ABLIM2: variants seen among roughly 807,000 people sequenced by gnomAD.
ABLIM2 encodes the protein actin-binding LIM protein 2.
A neutral mutation model predicts 97.7 loss-of-function variants in ABLIM2; 53 were observed. That is an observed-to-expected ratio of 0.54 (90% confidence interval 0.44 to 0.68). The LOEUF is 0.68. Among genes scored for constraint, ABLIM2 ranks in the 30% least tolerant of loss-of-function variants. ABLIM2 has a pLI of 0.00. For synonymous variants in ABLIM2, 361 were observed against 345.8 expected (o/e 1.04, Z -0.49); for missense variants, 835 against 867.2 (o/e 0.96, Z 0.47).
In ABLIM2 at chr4:8,140,960, C is replaced by A. The variant is rs765546426; in HGVS notation, c.10+17720G>T. ...TTAAAATCCACGGTAAAGCCTGCAG[C>A]TGTGGGCTGGTCTCCAAGGCCACTG... On this transcript the variant is annotated intron_variant, in intron 1 of 20. Coordinates refer to ENST00000447017, the MANE Select transcript of ABLIM2 (RefSeq NM_001130083.2). This position sits in a 1 kb window ranked among gnomAD's most constrained non-coding sequence, Gnocchi z 5.9. Among the ~76,000 whole-genome samples, 16 of 152,168 alleles carry A rather than the reference C, an allele frequency of 1.1e-4. No homozygotes were observed. Among genetic ancestry groups the A allele is most frequent in the Non-Finnish European group, 2.2e-4 (15 of 68,014 alleles).
chr4:8,031,409 T>A (rs1291129804), intron 10 of ABLIM2, among the ~76,000 whole-genome samples: 1 of 152,082 alleles, frequency 6.6e-6, no homozygotes, highest in Non-Finnish European at 1.5e-5. Context: ...AATGAGGAGA[T>A]GAAAAGATGC....
At chr4:8,144,692 A>G (rs1851514929) in intron 1 of ABLIM2, among the ~76,000 whole-genome samples, 2 of 152,148 alleles carry the variant, frequency 1.3e-5, no homozygotes. Flanking sequence ...ATGGGGAGTC[A>G]CAGCTCCCCA....
At chr4:8,097,804 C>G (rs936010216) in intron 2 of ABLIM2, among the ~76,000 whole-genome samples, 1 of 152,190 alleles carries the variant, frequency 6.6e-6, no homozygotes, top group Admixed American at 6.5e-5. Context: ...CCCCCTCCCC[C>G]ACTCCTCTGG....
At chr4:8,038,326 G>C (rs1469147146) in intron 9 of ABLIM2, among the ~76,000 whole-genome samples, 2 of 152,166 alleles carry the variant, frequency 1.3e-5, no homozygotes, top group African/African-American at 4.8e-5. Flanking sequence ...CCCCACCACA[G>C]CTCTCCCCTT....
At position 8,023,906 on chromosome 4, in the gene ABLIM2, T is replaced by C. The variant is rs916489733; in HGVS notation, c.1268-3603A>G. ...CTGGTGCTGGCTCAGCTGGCTCCTG[T>C]GGAGCCTCCTCCAGGTGACACCGCA... On this transcript the variant is annotated intron_variant, in intron 12 of 20. Coordinates refer to ENST00000447017, the MANE Select transcript of ABLIM2 (RefSeq NM_001130083.2). The surrounding 1 kb of genome is among the most constrained non-coding windows in gnomAD (Gnocchi z 5.7). Among the ~76,000 whole-genome samples the C allele has an allele frequency of 6.6e-6, 1 of 152,154 alleles. No individual in the cohort carries two copies. Among genetic ancestry groups the C allele is most frequent in the African/African-American group, 2.4e-5 (1 of 41,434 alleles).
At chr4:8,143,841 C>G (rs1023565557) in intron 1 of ABLIM2, among the ~76,000 whole-genome samples, 2 of 152,290 alleles carry the variant, frequency 1.3e-5, no homozygotes, top group Admixed American at 6.5e-5. Flanking sequence ...TTAGAGGACA[C>G]GGCTGCCTGT....
chr4:8,140,493 G>A lies in ABLIM2; in HGVS notation c.10+18187C>T, dbSNP rs1850804014. ...TTGGAAACCTGGCGGGGAGCATGGG[G>A]GAAAGGGGGCAGTGACACGGGGGCC... On this transcript the variant is annotated intron_variant, in intron 1 of 20. Coordinates refer to ENST00000447017, the MANE Select transcript of ABLIM2 (RefSeq NM_001130083.2). This position sits in a 1 kb window ranked among gnomAD's most constrained non-coding sequence, Gnocchi z 5.9. Among the ~76,000 whole-genome samples the A allele has an allele frequency of 6.6e-6, 1 of 152,154 alleles. No homozygotes were observed.
intron 1 of ABLIM2, among the ~76,000 whole-genome samples, chr4:8,154,024 G>A (rs559927991): frequency 1.4e-4 from 21 of 149,542 alleles, no homozygotes; most frequent in South Asian, 6.4e-4. Context: ...GTGCAGTGGC[G>A]TGATCTCGGC....
intron 1 of ABLIM2, among the ~76,000 whole-genome samples, chr4:8,139,864 C>T (rs1850701878): frequency 6.6e-6 from 1 of 152,042 alleles, no homozygotes; most frequent in African/African-American, 2.4e-5. Context: ...ATGCCCATCA[C>T]TGATAGAATG....
At chr4:8,052,332 A>G (rs1163556074) in intron 8 of ABLIM2, among the ~76,000 whole-genome samples, 2 of 152,154 alleles carry the variant, frequency 1.3e-5, no homozygotes, top group African/African-American at 4.8e-5. Flanking sequence ...GGAGTCACAC[A>G]CTGTGGCTTG....
chr4:8,140,311 A>C lies in ABLIM2; in HGVS notation c.10+18369T>G, dbSNP rs897366898. On this transcript the variant is annotated intron_variant, in intron 1 of 20. Coordinates refer to ENST00000447017, the MANE Select transcript of ABLIM2 (RefSeq NM_001130083.2). The surrounding 1 kb of genome is among the most constrained non-coding windows in gnomAD (Gnocchi z 5.9). ...CAAAAGCAATGCTCCCCATCTGGTG[A>C]AGGAAACAGAGAATGTGGTCAAACA... Among the ~76,000 whole-genome samples, 5 of 152,226 alleles carry C rather than the reference A, an allele frequency of 3.3e-5. No homozygotes were observed. The highest frequency in any genetic ancestry group is 7.3e-5 in the Non-Finnish European group (5 of 68,050).
chr4:8,065,128 T>C (rs1490930503), intron 6 of ABLIM2, among the ~76,000 whole-genome samples: 1 of 152,192 alleles, frequency 6.6e-6, no homozygotes, highest in Non-Finnish European at 1.5e-5. Flanking sequence ...GGCTTGCACC[T>C]GTAGTCCCAG....
intron 1 of ABLIM2, among the ~76,000 whole-genome samples, chr4:8,108,917 G>C (rs1430502892): frequency 1.3e-5 from 2 of 152,252 alleles, no homozygotes; most frequent in African/African-American, 2.4e-5. Context: ...ACCAGGCTGT[G>C]GGTGCGATGG....
rs566805588 is a variant in ABLIM2 at position 8,125,692 on chromosome 4, C to T, written c.11-19055G>A. 1.5e-3 allele frequency among the ~76,000 whole-genome samples: 229 copies of T among 152,316 alleles called. No homozygotes were observed. Among genetic ancestry groups the T allele is most frequent in the African/African-American group, 5.4e-3 (224 of 41,572 alleles). On this transcript the variant is annotated intron_variant, in intron 1 of 20. Coordinates refer to ENST00000447017, the MANE Select transcript of ABLIM2 (RefSeq NM_001130083.2). The surrounding 1 kb of genome is among the most constrained non-coding windows in gnomAD (Gnocchi z 6.2). The stretch of plus-strand genomic sequence containing the variant: ...CCACAGTTGGTGGAAGCACAGTGGG[C>T]CTGAGAAGGCATCGCAGACTCAGCT...
At chr4:8,074,565 T>C (rs1012537086) in intron 6 of ABLIM2, among the ~76,000 whole-genome samples, 5 of 152,214 alleles carry the variant, frequency 3.3e-5, no homozygotes, top group Non-Finnish European at 7.3e-5. Flanking sequence ...GAATAATCTT[T>C]CTAGAAAGCA....
At position 7,986,972 on chromosome 4, in the gene ABLIM2, T is replaced by C. The variant is rs1335587994; in HGVS notation, c.1681-2079A>G. Among the ~76,000 whole-genome samples the C allele has an allele frequency of 6.6e-6, 1 of 152,176 alleles. No individual in the cohort carries two copies. The highest frequency in any genetic ancestry group is 2.4e-5 in the African/African-American group (1 of 41,438). ...AGGCATAAGCCACTGCGCCCGGTCA[T>C]GCAAATAATTTTTAATTTTTTATTT... On this transcript the variant is annotated intron_variant, in intron 17 of 20. Coordinates refer to ENST00000447017, the MANE Select transcript of ABLIM2 (RefSeq NM_001130083.2). The surrounding 1 kb of genome is among the most constrained non-coding windows in gnomAD (Gnocchi z 4.3).
intron 8 of ABLIM2, among the ~76,000 whole-genome samples, chr4:8,050,530 C>T (rs1405729259): frequency 6.6e-6 from 1 of 152,184 alleles, no homozygotes; most frequent in Non-Finnish European, 1.5e-5. Flanking sequence ...GACCGGGAGT[C>T]ATTTCTCCTC....
intron 17 of ABLIM2, among the ~76,000 whole-genome samples, chr4:7,988,215 G>T (rs1219654019): frequency 6.6e-6 from 1 of 152,070 alleles, no homozygotes; most frequent in South Asian, 2.1e-4. Context: ...TAGAGACAGG[G>T]TTTCACCACG....
rs934978643 is a variant in ABLIM2 at position 8,023,715 on chromosome 4, G to A, written c.1268-3412C>T. Among the ~76,000 whole-genome samples the A allele has an allele frequency of 1.5e-4, 23 of 152,332 alleles. No homozygotes were observed. Among genetic ancestry groups the A allele is most frequent in the Non-Finnish European group, 2.8e-4 (19 of 68,026 alleles). ...CCTGGAGGACGAGGCATCTACTCCC[G>A]TTATTTGGAATTCCTCTGTGTGGGA... On this transcript the variant is annotated intron_variant, in intron 12 of 20. Coordinates refer to ENST00000447017, the MANE Select transcript of ABLIM2 (RefSeq NM_001130083.2). The surrounding 1 kb of genome is among the most constrained non-coding windows in gnomAD (Gnocchi z 5.7).
Sources: gnomAD v4.1 joint callset for allele counts (sites outside exome capture counted in the v4.1 genomes callset) on GRCh38, gnomAD v4.1.1 for gene constraint, Gnocchi (gnomAD v3.1) non-coding constraint, MANE v1.5 for transcripts, NCBI Gene and HGNC (gene_info 2026-07-23, HGNC 2026-07-21) for gene names.